Variants in KIF26B observed in about 807,000 individuals in gnomAD.
KIF26B encodes kinesin-like protein KIF26B.
Under a neutral mutation model 151.2 loss-of-function variants are expected in KIF26B, and 63 were observed. The observed-to-expected ratio is 0.42, with a 90% confidence interval of 0.34 to 0.51. The LOEUF is 0.51. KIF26B is among the 20% of genes least tolerant of loss of function. The pLI, the probability that KIF26B is intolerant of heterozygous loss-of-function variation, is 0.07. For synonymous variants in KIF26B, 1,357 were observed against 1,262.1 expected, an observed-to-expected ratio of 1.08 and a Z score of -1.59; for missense variants, 2,813 against 2,913.6, an observed-to-expected ratio of 0.97 and a Z score of 0.79.
chr1:245,301,626 C>T (rs1313593950), intron 2 of KIF26B, among the ~76,000 whole-genome samples: 1 of 152,158 alleles, frequency 6.6e-6, no homozygotes, highest in African/African-American at 2.4e-5. Context: ...GGCACGTCTT[C>T]ATCTGTCAGA....
rs372037527 is a variant in KIF26B, at chr1:245,227,169, C to T, written c.465+70486C>T. 4.6e-5 allele frequency among the ~76,000 whole-genome samples: 7 copies of T among 152,116 alleles called. No homozygotes were observed. The East Asian group carries it at 9.7e-4, about 21-fold the overall frequency. On this transcript the variant is annotated intron_variant, in intron 2 of 14. Coordinates refer to ENST00000407071, the MANE Select transcript of KIF26B (RefSeq NM_018012.4). This position sits in a 1 kb window ranked among gnomAD's most constrained non-coding sequence, Gnocchi z 4.1. ...TTACCCAGATCCAGTTGCGGAGAGG[C>T]GTGTGTGTCTGTCTGGTTGAGCTGA...
At chr1:245,418,136 C>T (rs755462034) in intron 3 of KIF26B, among the ~76,000 whole-genome samples, 15 of 152,192 alleles carry the variant, frequency 9.9e-5, no homozygotes, top group Non-Finnish European at 1.5e-4. Context: ...GTTTCAGCTG[C>T]GCCCTCCAAG....
rs774269022 is a variant in KIF26B at position 245,686,182 on chromosome 1, C to T, written c.3199C>T (p.Arg1067Trp). The T allele has an allele frequency of 2.0e-5, 32 of 1,612,420 alleles. No homozygotes were observed. Among genetic ancestry groups the T allele is most frequent in the South Asian group, 1.4e-4 (13 of 91,082 alleles). Residue 1067 changes from arginine to tryptophan, a missense_variant, in exon 12 of 15, where the codon CGG (arginine) becomes TGG (tryptophan). Around this residue, in one of 3 missense-constraint regions of KIF26B, gnomAD observed 2,060 missense variants for 2,088.6 expected, o/e 0.99. Coordinates refer to ENST00000407071, the MANE Select transcript of KIF26B (RefSeq NM_018012.4). This position sits in a 1 kb window ranked among gnomAD's most constrained non-coding sequence, Gnocchi z 5.6. ...EGKPRPMGSP[R>W]LGIASLSKTS... ...CAAGCCCAGGCCCATGGGCTCCCCC[C>T]GGCTGGGCATCGCCAGCCTGTCCAA...
At chr1:245,293,193 C>G (rs888229616) in intron 2 of KIF26B, among the ~76,000 whole-genome samples, 1 of 151,986 alleles carries the variant, frequency 6.6e-6, no homozygotes, top group Admixed American at 6.6e-5. Context: ...CTGTCTTCTA[C>G]TTGGTTTGTC....
At chr1:245,210,968 C>T (rs1383552682) in intron 2 of KIF26B, among the ~76,000 whole-genome samples, 1 of 152,210 alleles carries the variant, frequency 6.6e-6, no homozygotes, top group Non-Finnish European at 1.5e-5. Flanking sequence ...TGGGACACCA[C>T]AGCGTTATTT....
At chr1:245,676,184 T>G (rs578159763) in intron 10 of KIF26B, 5 of 152,242 alleles carry the variant, frequency 3.3e-5, no homozygotes, top group Non-Finnish European at 7.3e-5. Flanking sequence ...GTGAATTACC[T>G]TGAAAATTTC....
At chr1:245,692,822 T>A (rs2044643992) in intron 12 of KIF26B, among the ~76,000 whole-genome samples, 1 of 152,178 alleles carries the variant, frequency 6.6e-6, no homozygotes, top group African/African-American at 2.4e-5. Context: ...GGATTTTCAT[T>A]GCTTCATCCA....
At chr1:245,269,624 CAAGCT>C (rs1407720582) in intron 2 of KIF26B, among the ~76,000 whole-genome samples, 1 of 151,876 alleles carries the variant, frequency 6.6e-6, no homozygotes, top group Non-Finnish European at 1.5e-5. Context: ...GCCACCACGC[CAAGCT>C]AATTTTTGTA....
At chr1:245,226,757 C>A (rs761973906) in intron 2 of KIF26B, among the ~76,000 whole-genome samples, 3 of 152,198 alleles carry the variant, frequency 2.0e-5, no homozygotes, top group Non-Finnish European at 4.4e-5. Flanking sequence ...GCCACCGCAC[C>A]TGGCCAGATG....
At chr1:245,543,821 ACCTGT>A (rs1661677819) in intron 5 of KIF26B, among the ~76,000 whole-genome samples, 1 of 152,074 alleles carries the variant, frequency 6.6e-6, no homozygotes, top group Non-Finnish European at 1.5e-5. Context: ...GGCGGCACGT[ACCTGT>A]AATCCCAGCT....
intron 2 of KIF26B, among the ~76,000 whole-genome samples, chr1:245,330,015 C>T (rs1185109190): frequency 6.6e-6 from 1 of 151,972 alleles, no homozygotes; most frequent in East Asian, 2.0e-4. Context: ...CTATGTTGCC[C>T]AGGCTGATCT....
chr1:245,190,384 C>A (rs979336537), intron 2 of KIF26B, among the ~76,000 whole-genome samples: 1 of 152,088 alleles, frequency 6.6e-6, no homozygotes, highest in African/African-American at 2.4e-5. Context: ...GTAATCTTTC[C>A]TGTAACACTG....
At chr1:245,521,232 A>G (rs12064741) in intron 4 of KIF26B, among the ~76,000 whole-genome samples, 69,743 of 151,558 alleles carry the variant, frequency 0.46, 19,030 homozygotes, top group South Asian at 0.68. Flanking sequence ...AGCTACTCCG[A>G]AGGCTGAGGC....
chr1:245,674,183 C>T (rs1021237039), intron 10 of KIF26B, among the ~76,000 whole-genome samples: 3 of 152,188 alleles, frequency 2.0e-5, no homozygotes, highest in Admixed American at 6.5e-5. Flanking sequence ...CTTATCCCCC[C>T]CACCAGTAAA....
intron 10 of KIF26B, 118 bp from the exon 11 acceptor site, chr1:245,684,113 TAA>T: frequency 9.5e-7 from 1 of 1,051,910 alleles, no homozygotes; most frequent in Non-Finnish European, 1.4e-6. Flanking sequence ...AGTATGCCAT[TAA>T]AAAGGGTGGG....
Position 245,366,974 on chromosome 1 carries a change from G to C in KIF26B, c.606G>C (p.Val202=). 6.2e-7 allele frequency: 1 copy of C among 1,613,984 alleles called. No homozygotes were observed. The highest frequency in any genetic ancestry group is 1.3e-5 in the African/African-American group (1 of 75,052). ...NQLKQEAIQM[V]LTLEQAAGSE... ...TGAAGCAGGAGGCCATCCAGATGGT[G>C]CTGACGTTGGAGCAGGCAGCCGGCA... The change falls in exon 3 of 15, where the codon GTG becomes GTC. Residue 202 remains valine, a synonymous_variant. Transcript: ENST00000407071.
chr1:245,445,474 G>C (rs939534530), intron 4 of KIF26B, among the ~76,000 whole-genome samples: 3 of 152,176 alleles, frequency 2.0e-5, no homozygotes, highest in African/African-American at 7.2e-5. Flanking sequence ...AAGTGCGTGC[G>C]TGCGCGTGTG....
chr1:245,280,308 T>C (rs1353250181), intron 2 of KIF26B, among the ~76,000 whole-genome samples: 2 of 150,640 alleles, frequency 1.3e-5, no homozygotes, highest in African/African-American at 4.9e-5. Flanking sequence ...GGTCAGGAGA[T>C]TGAGACCATC....
intron 2 of KIF26B, 120 bp from the exon 3 acceptor site, chr1:245,366,714 A>C (rs898292274): frequency 8.7e-6 from 8 of 924,116 alleles, no homozygotes; most frequent in Admixed American, 8.1e-5. Flanking sequence ...GTGGAATGCC[A>C]ATCAAACTAT....
Sources: gnomAD v4.1 joint callset for allele counts (sites outside exome capture counted in the v4.1 genomes callset) on GRCh38, gnomAD v4.1.1 for gene constraint, gnomAD v4.1.1 regional missense constraint, Gnocchi (gnomAD v3.1) non-coding constraint, MANE v1.5 for transcripts, NCBI Gene and HGNC (gene_info 2026-07-23, HGNC 2026-07-21) for gene names.